Variants in LRRC4C observed in about 807,000 individuals in gnomAD.
The protein encoded by LRRC4C is leucine rich repeat containing 4C, also known as leucine-rich repeat-containing protein 4C.
In LRRC4C, 5 loss-of-function variants were observed where a neutral mutation model predicts 33.6. The observed-to-expected ratio is 0.15, with a 90% CI of 0.08 to 0.31. LRRC4C has a LOEUF of 0.31. Ranked by LOEUF, LRRC4C falls within the 10% of genes least tolerant of loss-of-function variation. LRRC4C has a pLI of 1.00. For missense variants in LRRC4C, 560 were observed against 796.7 expected (o/e 0.70, Z 3.58); for synonymous variants, 329 against 302.0 (o/e 1.09, Z -0.93).
intron 2 of LRRC4C, among the ~76,000 whole-genome samples, chr11:40,782,758 A>G (rs1376533969): frequency 6.6e-6 from 1 of 152,202 alleles, no homozygotes; most frequent in Admixed American, 6.5e-5. Flanking sequence ...ATATTACTCA[A>G]AATAACAAAC....
At chr11:41,071,172 G>A (rs1039412990) in intron 1 of LRRC4C, among the ~76,000 whole-genome samples, 2 of 152,056 alleles carry the variant, frequency 1.3e-5, no homozygotes, top group African/African-American at 2.4e-5. Context: ...AACACCACAT[G>A]TTCTCACTCA....
intron 6 of LRRC4C, among the ~76,000 whole-genome samples, chr11:40,129,544 T>A (rs887985425): frequency 2.0e-4 from 30 of 152,176 alleles, no homozygotes; most frequent in Admixed American, 1.2e-3. Flanking sequence ...GTTTTCATGA[T>A]TTGCTTCTTC....
intron 1 of LRRC4C, among the ~76,000 whole-genome samples, chr11:41,427,711 T>A: frequency 6.6e-6 from 1 of 152,150 alleles, no homozygotes; most frequent in Non-Finnish European, 1.5e-5. Context: ...ATATCCCCTG[T>A]GACCTGCAAG....
intron 2 of LRRC4C, among the ~76,000 whole-genome samples, chr11:40,662,604 T>G (rs931446782): frequency 3.3e-5 from 5 of 152,212 alleles, no homozygotes; most frequent in African/African-American, 7.2e-5. Context: ...GAAATTCAGT[T>G]CTGATCCTTT....
chr11:40,882,992 C>T (rs953723399), intron 2 of LRRC4C, among the ~76,000 whole-genome samples: 39 of 151,952 alleles, frequency 2.6e-4, no homozygotes, highest in African/African-American at 9.2e-4. Flanking sequence ...TATTTGTGAA[C>T]CATGAATGGT....
At chr11:40,633,371 T>TTCTTTCTTTTTCTTTCTTTCTTTCTC (rs745929705) in intron 3 of LRRC4C, among the ~76,000 whole-genome samples, 1 of 96,308 alleles carries the variant, frequency 1.0e-5, no homozygotes, top group African/African-American at 3.5e-5. Context: ...CTTTCTTTCT[T>TTCTTTCTTTTTCTTTCTTTCTTTCTC]TCTCTCTCTT....
intron 4 of LRRC4C, among the ~76,000 whole-genome samples, chr11:40,278,937 C>A (rs572562647): frequency 6.6e-6 from 1 of 152,234 alleles, no homozygotes; most frequent in African/African-American, 2.4e-5. Flanking sequence ...CTAATCTAAT[C>A]AGCTGTGATC....
intron 4 of LRRC4C, among the ~76,000 whole-genome samples, chr11:40,261,534 C>T (rs940401968): frequency 6.6e-6 from 1 of 152,044 alleles, no homozygotes; most frequent in Non-Finnish European, 1.5e-5. Context: ...GCCTAACCAA[C>T]ATTTAACAAG....
At chr11:40,497,187 C>T (rs1398104846) in intron 3 of LRRC4C, among the ~76,000 whole-genome samples, 2 of 152,002 alleles carry the variant, frequency 1.3e-5, no homozygotes, top group African/African-American at 2.4e-5. Context: ...GGGCGGATCA[C>T]GAAGTCAGGA....
intron 1 of LRRC4C, among the ~76,000 whole-genome samples, chr11:40,944,611 C>T (rs1958307902): frequency 6.6e-6 from 1 of 152,134 alleles, no homozygotes; most frequent in African/African-American, 2.4e-5. Context: ...ACTGGATGCC[C>T]TTTCTGTACC....
chr11:41,273,546 A>G (rs1949386117), intron 1 of LRRC4C, among the ~76,000 whole-genome samples: 1 of 152,208 alleles, frequency 6.6e-6, no homozygotes, highest in Non-Finnish European at 1.5e-5. Context: ...AAAATGGTCA[A>G]ACTCATAGAA....
intron 1 of LRRC4C, among the ~76,000 whole-genome samples, chr11:41,288,291 A>T (rs1460863153): frequency 6.6e-6 from 1 of 152,152 alleles, no homozygotes; most frequent in Non-Finnish European, 1.5e-5. Context: ...ATTTGGTATG[A>T]CTCCAGTTCA....
chr11:40,872,341 T>C (rs1215776649), intron 2 of LRRC4C, among the ~76,000 whole-genome samples: 1 of 152,140 alleles, frequency 6.6e-6, no homozygotes, highest in Admixed American at 6.6e-5. Context: ...GCAAATGTTT[T>C]ATGCTTGTCA....
intron 2 of LRRC4C, among the ~76,000 whole-genome samples, chr11:40,835,134 C>A (rs1040049223): frequency 2.0e-5 from 3 of 152,152 alleles, no homozygotes; most frequent in Non-Finnish European, 2.9e-5. Context: ...ATTCATTTAG[C>A]TCAACCACCA....
At chr11:40,906,169 T>C (rs569534945) in intron 2 of LRRC4C, among the ~76,000 whole-genome samples, 308 of 152,300 alleles carry the variant, frequency 2.0e-3, no homozygotes, top group Non-Finnish European at 3.7e-3. Context: ...TCTTTGTAAC[T>C]GAGGTAGATA....
At chr11:40,682,246 G>A (rs1944725728) in intron 2 of LRRC4C, among the ~76,000 whole-genome samples, 1 of 151,148 alleles carries the variant, frequency 6.6e-6, no homozygotes, top group South Asian at 2.1e-4. Context: ...CTCCAGCCTG[G>A]GTGACAAAGT....
intron 1 of LRRC4C, among the ~76,000 whole-genome samples, chr11:41,187,260 C>G (rs1397829481): frequency 1.3e-5 from 2 of 152,162 alleles, no homozygotes; most frequent in Admixed American, 6.5e-5. Flanking sequence ...CACCACACCC[C>G]CATTATGTGT....
chr11:41,002,677 C>G (rs984661471), intron 1 of LRRC4C, among the ~76,000 whole-genome samples: 1 of 152,068 alleles, frequency 6.6e-6, no homozygotes, highest in Non-Finnish European at 1.5e-5. Flanking sequence ...TAGTAGCATG[C>G]CTTAATATTT....
At chr11:41,086,757 A>T (rs897554746) in intron 1 of LRRC4C, among the ~76,000 whole-genome samples, 1 of 152,144 alleles carries the variant, frequency 6.6e-6, no homozygotes, top group African/African-American at 2.4e-5. Context: ...CCTCCAAAAG[A>T]CTAACTTTAT....
Sources: gnomAD v4.1 joint callset for allele counts (sites outside exome capture counted in the v4.1 genomes callset) on GRCh38, gnomAD v4.1.1 for gene constraint, MANE v1.5 for transcripts, NCBI Gene and HGNC (gene_info 2026-07-23, HGNC 2026-07-21) for gene names.